The following GBP7 variants were observed in gnomAD, a reference collection of about 807,000 sequenced individuals.
The protein encoded by GBP7 is guanylate-binding protein 7.
Under a neutral mutation model 61.3 loss-of-function variants are expected in GBP7, and 43 were observed. That is an observed-to-expected ratio of 0.70 (90% confidence interval 0.55 to 0.91). The LOEUF (loss-of-function observed/expected upper bound fraction) is 0.91. GBP7 is among the 40% of genes least tolerant of loss of function. The pLI, the probability that GBP7 is intolerant of heterozygous loss-of-function variation, is 0.00. For missense variants in GBP7, 717 were observed against 740.5 expected (o/e 0.97, Z 0.37); for synonymous variants, 267 against 271.0 (o/e 0.99, Z 0.14).
chr1:89,173,244 A>G (rs1377814262), intron 1 of GBP7, among the ~76,000 whole-genome samples: 1 of 152,176 alleles, frequency 6.6e-6, no homozygotes, highest in South Asian at 2.1e-4. Context: ...AGGTGTGTTC[A>G]TTATTTCTAG....
rs1380291534 is a variant in GBP7 at position 89,133,253 on chromosome 1, C to T, written c.1662+5G>A. The T allele has an allele frequency of 1.9e-6, 3 of 1,611,256 alleles. No homozygotes were observed. Among genetic ancestry groups the T allele is most frequent in the Non-Finnish European group, 2.5e-6 (3 of 1,177,834 alleles). ...CAAGCACTGCCAAGCTTCATCCAGA[C>T]TCACCTTCATCTTGTGACTCAACAT... On this transcript the variant is annotated splice_donor_5th_base_variant and intron_variant, in intron 10 of 10. Transcript: ENST00000294671.
rs377078198 is a variant in GBP7, at chr1:89,152,482, G to A, written c.429-18C>T. 2 of 1,610,082 alleles carry A rather than the reference G, an allele frequency of 1.2e-6. No homozygotes were observed. The highest frequency in any genetic ancestry group is 8.5e-7 in the Non-Finnish European group (1 of 1,176,708). On this transcript the variant is annotated intron_variant, in intron 4 of 10. Transcript: ENST00000294671. Reference sequence around the variant, plus strand: ...TCACGTAGCTGGGATCTCAGCTAAGGAAGGATAGCACCCTACACCATCATT... The same window carrying A: ...TCACGTAGCTGGGATCTCAGCTAAGAAAGGATAGCACCCTACACCATCATT...
intron 2 of GBP7, among the ~76,000 whole-genome samples, chr1:89,165,844 C>A (rs1052343618): frequency 3.9e-5 from 6 of 152,030 alleles, no homozygotes; most frequent in Non-Finnish European, 8.8e-5. Context: ...TGCAGCAAAC[C>A]ACCGTGACAC....
intron 3 of GBP7, among the ~76,000 whole-genome samples, chr1:89,159,876 A>T (rs1047431195): frequency 7.9e-5 from 12 of 152,232 alleles, no homozygotes; most frequent in African/African-American, 2.7e-4. Context: ...CACCCAAAGG[A>T]TTATAAATCA....
rs145699609 is a variant in GBP7 at position 89,157,554 on chromosome 1, A to G, written c.319-4777T>C. 2.9e-3 allele frequency among the ~76,000 whole-genome samples: 440 copies of G among 152,282 alleles called. 3 individuals carry two copies. Among genetic ancestry groups the G allele is most frequent in the African/African-American group, 1.0e-2 (414 of 41,546 alleles). The stretch of plus-strand genomic sequence containing the variant: ...CGCCGATCCCACAGAAATACAAACT[A>G]CCATCAGAGAATAGTATAAACACCT... On this transcript the variant is annotated intron_variant, in intron 3 of 10. Transcript: ENST00000294671.
intron 9 of GBP7, among the ~76,000 whole-genome samples, chr1:89,141,172 T>C (rs755930170): frequency 2.6e-5 from 4 of 151,384 alleles, no homozygotes; most frequent in Non-Finnish European, 4.4e-5. Flanking sequence ...AACAAACCTA[T>C]TTGTGTACCC....
At chr1:89,152,624 C>G (rs766005163) in intron 4 of GBP7, 44 bp downstream of exon 4, 6 of 1,583,192 alleles carry the variant, frequency 3.8e-6, no homozygotes, top group Non-Finnish European at 5.2e-6. Context: ...TTTCCATTCC[C>G]CTAAACTCCA....
rs550046929 is a variant in GBP7 at position 89,135,401 on chromosome 1, A to T, written c.1469-1950T>A. 3.3e-5 allele frequency among the ~76,000 whole-genome samples: 5 copies of T among 152,282 alleles called. No homozygotes were observed. In the South Asian group the frequency reaches 1.0e-3, roughly 32 times the overall value. On this transcript the variant is annotated intron_variant, in intron 9 of 10. Transcript: ENST00000294671. ...CCCCAACACATGAAATGGTCATCAG[A>T]TTTTCCAAGGTCAGTGCAAAAGAAA...
chr1:89,168,189 A>G (rs1428824762), intron 2 of GBP7, among the ~76,000 whole-genome samples: 1 of 152,082 alleles, frequency 6.6e-6, no homozygotes, highest in East Asian at 1.9e-4. Flanking sequence ...TTTTTGCTCT[A>G]TTTTTCCTCT....
At position 89,152,789 on chromosome 1, in the gene GBP7, G is replaced by GAAA. The variant is rs10710842; in HGVS notation, c.319-15_319-13dup. 126 of 1,248,050 alleles carry GAAA rather than the reference G, an allele frequency of 1.0e-4. No individual in the cohort carries two copies. Among genetic ancestry groups the GAAA allele is most frequent in the South Asian group, 2.9e-4 (18 of 62,330 alleles). 77.3% of individuals were successfully genotyped at this position (1,248,050 alleles called of 1,614,324 possible). ...CTCTTAGGGTCACTCTAGTGTTAAA[G>GAAA]AAAAAAAAAAAAAAAATGGAAGCCA... is the stretch of plus-strand genomic sequence containing the variant. On this transcript the variant is annotated splice_polypyrimidine_tract_variant and intron_variant, in intron 3 of 10. Coordinates refer to ENST00000294671, the MANE Select transcript of GBP7 (RefSeq NM_207398.3).
chr1:89,164,109 G>A (rs1474804499), intron 3 of GBP7, among the ~76,000 whole-genome samples: 2 of 152,046 alleles, frequency 1.3e-5, no homozygotes, highest in African/African-American at 4.8e-5. Context: ...ACCTCAGATG[G>A]TCCACCCGCC....
chr1:89,158,980 A>G (rs1239708359), intron 3 of GBP7, among the ~76,000 whole-genome samples: 3 of 152,228 alleles, frequency 2.0e-5, no homozygotes, highest in Non-Finnish European at 4.4e-5. Context: ...GGCTACAGTA[A>G]GCAAAACAGC....
Position 89,152,789 on chromosome 1 carries a change from G to T in GBP7, c.319-12C>A. The T allele has an allele frequency of 7.9e-5, 98 of 1,247,646 alleles. No individual in the cohort carries two copies. The highest frequency in any genetic ancestry group is 8.9e-5 in the Non-Finnish European group (82 of 918,250). 77.3% of individuals were successfully genotyped at this position (1,247,646 alleles called of 1,614,324 possible). ...CTCTTAGGGTCACTCTAGTGTTAAA[G>T]AAAAAAAAAAAAAAAATGGAAGCCA... On this transcript the variant is annotated splice_polypyrimidine_tract_variant and intron_variant, in intron 3 of 10. Coordinates refer to ENST00000294671, the MANE Select transcript of GBP7 (RefSeq NM_207398.3).
At chr1:89,166,253 C>A (rs1392374384) in intron 2 of GBP7, among the ~76,000 whole-genome samples, 1 of 152,120 alleles carries the variant, frequency 6.6e-6, no homozygotes, top group Non-Finnish European at 1.5e-5. Flanking sequence ...TGTAGTGATT[C>A]TTTTTCCTTA....
At chr1:89,160,814 C>T (rs904750782) in intron 3 of GBP7, among the ~76,000 whole-genome samples, 1 of 152,108 alleles carries the variant, frequency 6.6e-6, no homozygotes, top group African/African-American at 2.4e-5. Flanking sequence ...TCATACTGCA[C>T]AACAGGGATT....
chr1:89,174,782 G>T (rs568966891), intron 1 of GBP7, among the ~76,000 whole-genome samples: 115 of 152,278 alleles, frequency 7.6e-4, no homozygotes, highest in Middle Eastern at 3.4e-3. Context: ...TATGTTAACA[G>T]ATTTTGAATT....
intron 1 of GBP7, among the ~76,000 whole-genome samples, chr1:89,172,567 TTCAGTGTCTTGTATTA>T (rs1647634114): frequency 6.6e-6 from 1 of 152,202 alleles, no homozygotes; most frequent in African/African-American, 2.4e-5. Context: ...TTCTGCCATT[TTCAGTGTCTTGTATTA>T]AGGGATTCAT....
Position 89,152,679 on chromosome 1 carries a change from C to G in GBP7, c.417G>C (p.Leu139=), listed in dbSNP as rs142936287. 1.6e-5 allele frequency: 25 copies of G among 1,612,604 alleles called. No homozygotes were observed. The highest frequency in any genetic ancestry group is 5.0e-5 in the Admixed American group (3 of 59,912). ...TCCTGGAAGGATACTGCAGCTGCTCCAGGGCCTGGTGGTTGATGGTGCCCA... is the reference window on the plus strand; with the variant it reads ...TCCTGGAAGGATACTGCAGCTGCTCGAGGGCCTGGTGGTTGATGGTGCCCA... ...NSMGTINHQA[L]EQLHYVTELT... The change falls in exon 4 of 11, where the codon CTG becomes CTC. Residue 139 remains leucine, a synonymous_variant. Coordinates refer to ENST00000294671, the MANE Select transcript of GBP7 (RefSeq NM_207398.3).
chr1:89,175,392 T>C (rs1252304071), intron 1 of GBP7, among the ~76,000 whole-genome samples: 3 of 152,130 alleles, frequency 2.0e-5, no homozygotes, highest in Non-Finnish European at 2.9e-5. Flanking sequence ...ACTAAAAAGA[T>C]TGGGTATCTA....
Sources: gnomAD v4.1 joint callset for allele counts (sites outside exome capture counted in the v4.1 genomes callset) on GRCh38, gnomAD v4.1.1 for gene constraint, MANE v1.5 for transcripts, NCBI Gene and HGNC (gene_info 2026-07-23, HGNC 2026-07-21) for gene names.